The following ARHGEF7 variants were observed in gnomAD, a reference collection of about 807,000 sequenced individuals.
ARHGEF7 encodes PAK-interacting exchange factor beta.
In ARHGEF7, 33 loss-of-function variants were observed where a neutral mutation model predicts 109.8. The ratio of observed to expected loss-of-function variants is 0.30; its 90% CI spans 0.23 to 0.40. The LOEUF is 0.40. ARHGEF7 is among the 10% of genes least tolerant of loss of function. ARHGEF7 has a pLI of 1.00. For missense variants in ARHGEF7, 938 were observed against 1,098.5 expected (o/e 0.85, Z 2.07); for synonymous variants, 458 against 424.6 (o/e 1.08, Z -0.97).
chr13:111,283,050 G>C, intron 15 of ARHGEF7, 89 bp from the exon 16 acceptor site: 1 of 1,411,194 alleles, frequency 7.1e-7, no homozygotes, highest in South Asian at 1.3e-5. Context: ...AGTGTTTAAA[G>C]AGCAGAAGGA....
intron 2 of ARHGEF7, among the ~76,000 whole-genome samples, chr13:111,186,075 C>T (rs2079227609): frequency 6.6e-6 from 1 of 151,722 alleles, no homozygotes; most frequent in Non-Finnish European, 1.5e-5. Context: ...TGGGCCAGCA[C>T]AGCATGCCGT....
At chr13:111,293,258 C>A in intron 19 of ARHGEF7, 2 of 985,348 alleles carry the variant, frequency 2.0e-6, no homozygotes, top group Non-Finnish European at 2.4e-6. Flanking sequence ...GGCTCCCCAC[C>A]CCTGACATCC....
intron 8 of ARHGEF7, among the ~76,000 whole-genome samples, chr13:111,262,272 A>T (rs552005759): frequency 1.3e-5 from 2 of 152,368 alleles, no homozygotes; most frequent in East Asian, 3.9e-4. Flanking sequence ...CTGATACTGC[A>T]GAAATTCAGA....
At position 111,280,252 on chromosome 13, in the gene ARHGEF7, T is replaced by G. The variant is rs1177770538; in HGVS notation, c.1507-20T>G. On this transcript the variant is annotated intron_variant, in intron 13 of 21. Coordinates refer to ENST00000646102, the MANE Select transcript of ARHGEF7 (RefSeq NM_001354046.2). Reference sequence around the variant, plus strand: ...AAAGCACTAATTGTTTTTTTTTTTGTGGGGGGGGGTCTTTTTTAGGGAAAG... The same window carrying G: ...AAAGCACTAATTGTTTTTTTTTTTGGGGGGGGGGGTCTTTTTTAGGGAAAG... 3.3e-5 allele frequency: 47 copies of G among 1,434,582 alleles called. No individual in the cohort carries two copies. Among genetic ancestry groups the G allele is most frequent in the East Asian group, 4.8e-5 (2 of 41,288 alleles). The allele number at this position is 1,434,582 out of a possible 1,614,324, so 88.9% of individuals were successfully genotyped here.
intron 1 of ARHGEF7, among the ~76,000 whole-genome samples, chr13:111,121,136 G>A (rs1405815305): frequency 6.6e-6 from 1 of 152,148 alleles, no homozygotes; most frequent in Non-Finnish European, 1.5e-5. Flanking sequence ...AGCCACTGCA[G>A]GTGTCTCACT....
At chr13:111,293,940 G>A (rs559702429) in intron 19 of ARHGEF7, 1 of 985,380 alleles carries the variant, frequency 1.0e-6, no homozygotes, top group South Asian at 4.7e-5. Context: ...AGAAAGTTGG[G>A]TGGCTTCATT....
chr13:111,261,329 A>G (rs1453307196), intron 8 of ARHGEF7, among the ~76,000 whole-genome samples: 2 of 152,198 alleles, frequency 1.3e-5, no homozygotes, highest in South Asian at 2.1e-4. Flanking sequence ...CTAGACTTAT[A>G]TCAAACAAAA....
In ARHGEF7 at chr13:111,275,452, G is replaced by A. The variant is rs187743445; in HGVS notation, c.1273-80G>A. On this transcript the variant is annotated intron_variant, in intron 11 of 21. Transcript: ENST00000646102. Reference sequence around the variant, plus strand: ...AGATATAAAGCAATAATTGTCTTAAGGATGATACAAAGCAATGTGGCCGGA... The same window carrying A: ...AGATATAAAGCAATAATTGTCTTAAAGATGATACAAAGCAATGTGGCCGGA... 32 of 1,468,590 alleles carry A rather than the reference G, an allele frequency of 2.2e-5. 1 individual carries two copies. The African/African-American group carries it at 3.5e-4, about 16-fold the overall frequency. 91.0% of individuals were successfully genotyped at this position (1,468,590 alleles called of 1,614,324 possible).
intron 19 of ARHGEF7, chr13:111,295,021 AT>A: frequency 1.0e-6 from 1 of 985,846 alleles, no homozygotes; most frequent in Non-Finnish European, 1.2e-6. Context: ...GGGAAAAGCC[AT>A]TTTTAGTAGG....
intron 6 of ARHGEF7, among the ~76,000 whole-genome samples, chr13:111,242,994 T>C (rs930753593): frequency 2.6e-5 from 4 of 152,252 alleles, no homozygotes; most frequent in Admixed American, 1.3e-4. Flanking sequence ...ACTTAAATTA[T>C]TTTGGCTAAA....
At chr13:111,177,737 A>G (rs567472361) in intron 2 of ARHGEF7, among the ~76,000 whole-genome samples, 2 of 152,356 alleles carry the variant, frequency 1.3e-5, no homozygotes, top group East Asian at 3.9e-4. Flanking sequence ...CTTTCTGGGT[A>G]TGAAATATGT....
chr13:111,204,965 C>T (rs1366599575), intron 2 of ARHGEF7, among the ~76,000 whole-genome samples: 5 of 148,616 alleles, frequency 3.4e-5, no homozygotes, highest in Non-Finnish European at 7.4e-5. Context: ...GCGCAAGCAC[C>T]GTGCTTGCTT....
intron 2 of ARHGEF7, among the ~76,000 whole-genome samples, chr13:111,186,650 GATAGGAC>G (rs747558140): frequency 5.3e-5 from 8 of 152,222 alleles, no homozygotes; most frequent in Non-Finnish European, 7.3e-5. Flanking sequence ...ATTTGACAGT[GATAGGAC>G]AAAATTATAT....
intron 2 of ARHGEF7, among the ~76,000 whole-genome samples, chr13:111,181,879 T>C (rs1047540557): frequency 6.6e-6 from 1 of 152,190 alleles, no homozygotes; most frequent in Non-Finnish European, 1.5e-5. Context: ...ATCATGCAGG[T>C]AATGCTGCTG....
At chr13:111,220,427 G>C (rs2153495242) in intron 5 of ARHGEF7, among the ~76,000 whole-genome samples, 1 of 152,364 alleles carries the variant, frequency 6.6e-6, no homozygotes, top group East Asian at 1.9e-4. Flanking sequence ...TAAGAGTGCA[G>C]GTGAGTGGGG....
chr13:111,193,094 T>C (rs991054143), intron 2 of ARHGEF7, among the ~76,000 whole-genome samples: 1 of 152,184 alleles, frequency 6.6e-6, no homozygotes, highest in Non-Finnish European at 1.5e-5. Flanking sequence ...ATTTGGCCAT[T>C]TGATGAGTGT....
chr13:111,300,573 C>CA (rs1345374659), intron 19 of ARHGEF7, among the ~76,000 whole-genome samples, 175 bp from the exon 20 acceptor site: 5 of 152,216 alleles, frequency 3.3e-5, no homozygotes, highest in African/African-American at 1.2e-4. Flanking sequence ...GCTCGGTAGA[C>CA]AGAGGTGAAG....
At chr13:111,213,753 A>G (rs1003547073) in intron 4 of ARHGEF7, among the ~76,000 whole-genome samples, 2 of 152,202 alleles carry the variant, frequency 1.3e-5, no homozygotes, top group African/African-American at 2.4e-5. Flanking sequence ...ACAATGATAA[A>G]ATAGTGATGA....
intron 2 of ARHGEF7, chr13:111,186,923 G>A (rs536775370): frequency 5.1e-6 from 5 of 985,452 alleles, no homozygotes; most frequent in Non-Finnish European, 6.0e-6. Flanking sequence ...GGTCTTTTTG[G>A]GGTCTACTAC....
Sources: allele counts gnomAD v4.1 joint callset (sites outside exome capture counted in the v4.1 genomes callset), GRCh38; gene constraint gnomAD v4.1.1; transcripts MANE v1.5; gene names NCBI Gene and HGNC (gene_info 2026-07-23, HGNC 2026-07-21).